The following PCMTD1 variants were observed in gnomAD, a reference collection of about 807,000 sequenced individuals.
The protein encoded by PCMTD1 is protein-L-isoaspartate O-methyltransferase domain-containing protein 1.
In PCMTD1, 12 loss-of-function variants were observed where a neutral mutation model predicts 37.6. That is an observed-to-expected ratio of 0.32 (90% CI 0.20 to 0.52). PCMTD1 has a LOEUF of 0.52. Among genes scored for constraint, PCMTD1 ranks in the 20% least tolerant of loss-of-function variants. PCMTD1 has a pLI of 0.97. For synonymous variants in PCMTD1, 117 were observed against 135.8 expected, an observed-to-expected ratio of 0.86 and a Z score of 0.96; for missense variants, 235 against 421.3, an observed-to-expected ratio of 0.56 and a Z score of 3.87.
At chr8:51,858,485 G>A (rs2038424343) in intron 2 of PCMTD1, among the ~76,000 whole-genome samples, 1 of 152,190 alleles carries the variant, frequency 6.6e-6, no homozygotes, top group African/African-American at 2.4e-5. Flanking sequence ...GAGCATGTGA[G>A]CATCCTCCTC....
At chr8:51,873,894 TTTC>T (rs1226934917) in intron 1 of PCMTD1, among the ~76,000 whole-genome samples, 1 of 151,892 alleles carries the variant, frequency 6.6e-6, no homozygotes, top group Non-Finnish European at 1.5e-5. Flanking sequence ...GGCTCAGGTA[TTTC>T]TTTTTTTTTT....
chr8:51,898,357 G>C (rs1240859857), intron 1 of PCMTD1, among the ~76,000 whole-genome samples: 1 of 152,068 alleles, frequency 6.6e-6, no homozygotes, highest in African/African-American at 2.4e-5. Flanking sequence ...TCCCCGGAAC[G>C]GTAGTAGACG....
intron 1 of PCMTD1, among the ~76,000 whole-genome samples, chr8:51,871,994 T>A (rs1258560188): frequency 1.3e-5 from 2 of 152,168 alleles, no homozygotes; most frequent in Non-Finnish European, 2.9e-5. Flanking sequence ...TTCCTCCACA[T>A]CCTTTTAATT....
chr8:51,831,342 A>AT (rs2129275735), intron 5 of PCMTD1, 102 bp downstream of exon 5: 2 of 1,196,180 alleles, frequency 1.7e-6, no homozygotes, highest in Admixed American at 4.9e-5. Context: ...ATCTTACTGC[A>AT]TAAGTATTTA....
At chr8:51,827,251 C>T in intron 5 of PCMTD1, 4 of 1,151,760 alleles carry the variant, frequency 3.5e-6, no homozygotes, top group Non-Finnish European at 4.4e-6. Flanking sequence ...TTATAAGTTA[C>T]TGTTGGTTAC....
At chr8:51,870,097 T>C (rs6996898) in intron 1 of PCMTD1, among the ~76,000 whole-genome samples, 30,566 of 152,058 alleles carry the variant, frequency 0.2, 4,843 homozygotes, top group African/African-American at 0.43. Flanking sequence ...GGCAGACAGA[T>C]GTTGCAAGGT....
At chr8:51,892,940 C>G (rs1186214711) in intron 1 of PCMTD1, among the ~76,000 whole-genome samples, 5 of 152,296 alleles carry the variant, frequency 3.3e-5, no homozygotes, top group Middle Eastern at 6.8e-3. Flanking sequence ...GATACATTTT[C>G]AGTTTATATA....
intron 3 of PCMTD1, among the ~76,000 whole-genome samples, chr8:51,838,211 G>A (rs565533121): frequency 6.6e-6 from 1 of 152,154 alleles, no homozygotes. Flanking sequence ...GGTAGGCCAG[G>A]TATGGTTCTT....
Position 51,820,574 on chromosome 8 carries a change from C to A in PCMTD1, c.851G>T (p.Arg284Ile), listed in dbSNP as rs768554241. The change falls in exon 6 of 6, where the codon AGA becomes ATA. Residue 284 changes from arginine to isoleucine, a missense_variant. Physicochemically the swap from Arg to Ile is moderately conservative, Grantham distance 97. Around this residue, in one of 3 missense-constraint regions of PCMTD1, gnomAD observed 183 missense variants for 349.3 expected, o/e 0.52. Transcript: ENST00000522514. ...ACCCACAAATACGTAAGTGTTAATT[C>A]TCTGTTTAACTCTCTTTCTTTTCCT... ...PKRKRKRVKQ[R>I]INTYVFVGNQ... 1.2e-6 allele frequency: 2 copies of A among 1,612,330 alleles called. No homozygotes were observed. The highest frequency in any genetic ancestry group is 8.5e-7 in the Non-Finnish European group (1 of 1,179,526).
At chr8:51,851,968 A>C (rs2038314647) in intron 2 of PCMTD1, among the ~76,000 whole-genome samples, 1 of 152,134 alleles carries the variant, frequency 6.6e-6, no homozygotes, top group South Asian at 2.1e-4. Context: ...TTCTTAATGC[A>C]ATCATTTTCC....
intron 2 of PCMTD1, among the ~76,000 whole-genome samples, chr8:51,854,809 G>A (rs1219517845): frequency 4.0e-5 from 6 of 151,856 alleles, no homozygotes; most frequent in South Asian, 2.1e-4. Context: ...CCTGGGAGGC[G>A]GAGGTTGCAG....
intron 2 of PCMTD1, among the ~76,000 whole-genome samples, chr8:51,854,444 T>G (rs867577062): frequency 1.3e-5 from 2 of 152,280 alleles, no homozygotes; most frequent in Middle Eastern, 3.4e-3. Context: ...AGAAAAAAGA[T>G]GCCCAGAAGC....
intron 1 of PCMTD1, among the ~76,000 whole-genome samples, chr8:51,861,976 AG>A (rs1336186229): frequency 6.6e-6 from 1 of 152,246 alleles, no homozygotes; most frequent in Admixed American, 6.5e-5. Context: ...GGCCGCACAA[AG>A]TGCTGGGATA....
At chr8:51,888,020 G>C (rs1402636775) in intron 1 of PCMTD1, among the ~76,000 whole-genome samples, 2 of 152,122 alleles carry the variant, frequency 1.3e-5, no homozygotes, top group Non-Finnish European at 2.9e-5. Context: ...TGGGATTACA[G>C]GCATGAGCCA....
At chr8:51,822,196 A>G (rs780167165) in intron 5 of PCMTD1, among the ~76,000 whole-genome samples, 2 of 152,206 alleles carry the variant, frequency 1.3e-5, no homozygotes, top group African/African-American at 2.4e-5. Flanking sequence ...AGACTAGTGC[A>G]GATGAAGTTG....
chr8:51,867,205 G>A (rs536117240), intron 1 of PCMTD1, among the ~76,000 whole-genome samples: 152 of 152,138 alleles, frequency 1.0e-3, no homozygotes, highest in Non-Finnish European at 1.8e-3. Context: ...TATTGGCAAG[G>A]TTGTAGAGAA....
intron 2 of PCMTD1, among the ~76,000 whole-genome samples, chr8:51,851,147 T>C (rs1256411504): frequency 2.0e-5 from 3 of 152,236 alleles, no homozygotes; most frequent in Non-Finnish European, 2.9e-5. Flanking sequence ...GTCCTGAGTC[T>C]TGCCATGTTA....
intron 2 of PCMTD1, among the ~76,000 whole-genome samples, chr8:51,859,997 T>C (rs1334039496): frequency 6.6e-6 from 1 of 152,128 alleles, no homozygotes; most frequent in Non-Finnish European, 1.5e-5. Flanking sequence ...CTGAACTAAA[T>C]GGCTTGGTAA....
intron 2 of PCMTD1, among the ~76,000 whole-genome samples, chr8:51,847,342 A>G (rs2038236873): frequency 6.6e-6 from 1 of 152,236 alleles, no homozygotes; most frequent in Admixed American, 6.5e-5. Context: ...TAATTCAAAT[A>G]CAGGCAGGAT....
Sources: allele counts gnomAD v4.1 joint callset (sites outside exome capture counted in the v4.1 genomes callset), GRCh38; gene constraint gnomAD v4.1.1; regional missense constraint gnomAD v4.1.1; transcripts MANE v1.5; gene names NCBI Gene and HGNC (gene_info 2026-07-23, HGNC 2026-07-21).